Variants in VANGL1 observed in about 807,000 individuals in gnomAD.
The protein encoded by VANGL1 is VANGL planar cell polarity protein 1.
A neutral mutation model predicts 48.4 loss-of-function variants in VANGL1; 18 were observed. That is an observed-to-expected ratio of 0.37 (90% CI 0.26 to 0.55). The LOEUF is 0.55. Among genes scored for constraint, VANGL1 ranks in the 20% least tolerant of loss-of-function variants. VANGL1 has a pLI of 0.81. For missense variants in VANGL1, 667 were observed against 675.8 expected (o/e 0.99, Z 0.14); for synonymous variants, 257 against 261.8 (o/e 0.98, Z 0.18).
chr1:115,673,591 CCT>C (rs1653060127), intron 4 of VANGL1, among the ~76,000 whole-genome samples: 1 of 144,772 alleles, frequency 6.9e-6, no homozygotes, highest in African/African-American at 2.7e-5. Flanking sequence ...CTCTGTATGT[CCT>C]CTTTTTTTTT....
intron 4 of VANGL1, among the ~76,000 whole-genome samples, chr1:115,681,505 T>TGG (rs199910559): frequency 1.2e-4 from 9 of 77,728 alleles, no homozygotes; most frequent in Non-Finnish European, 2.9e-4. Flanking sequence ...TTTTTGTTGT[T>TGG]TTTTTTGTTT....
chr1:115,661,587 C>T (rs751552937), intron 3 of VANGL1, among the ~76,000 whole-genome samples: 7 of 151,880 alleles, frequency 4.6e-5, no homozygotes, highest in Non-Finnish European at 7.4e-5. Context: ...ATCCATTCTC[C>T]TAGTGGATGG....
At chr1:115,652,024 A>G (rs2101307389) in intron 2 of VANGL1, among the ~76,000 whole-genome samples, 1 of 152,298 alleles carries the variant, frequency 6.6e-6, no homozygotes, top group South Asian at 2.1e-4. Flanking sequence ...TATTTCTTAT[A>G]GGTATCGGCT....
At chr1:115,673,726 A>G (rs1653066406) in intron 4 of VANGL1, among the ~76,000 whole-genome samples, 1 of 148,964 alleles carries the variant, frequency 6.7e-6, no homozygotes, top group Non-Finnish European at 1.5e-5. Context: ...CAGCCTCCCT[A>G]GTAGCTGGGA....
chr1:115,656,702 C>CT (rs1383973911), intron 2 of VANGL1, among the ~76,000 whole-genome samples: 1 of 152,206 alleles, frequency 6.6e-6, no homozygotes, highest in African/African-American at 2.4e-5. Context: ...GCTCCTGGGC[C>CT]TTTTAAGAGC....
At chr1:115,676,618 C>T (rs979505153) in intron 4 of VANGL1, among the ~76,000 whole-genome samples, 5 of 152,224 alleles carry the variant, frequency 3.3e-5, no homozygotes, top group African/African-American at 1.2e-4. Flanking sequence ...GGTGGGTGAA[C>T]TCCCAAGTCT....
At chr1:115,670,741 G>T (rs751487376) in intron 4 of VANGL1, among the ~76,000 whole-genome samples, 2 of 152,156 alleles carry the variant, frequency 1.3e-5, no homozygotes, top group Admixed American at 6.5e-5. Flanking sequence ...ATGTTCCTAC[G>T]ATTGTGGGTT....
Position 115,672,379 on chromosome 1 carries a change from C to T in VANGL1, c.812+8111C>T, listed in dbSNP as rs368665000. ...ATATTGGTTCAAAGAATTTGGCTGCCGAAGCTTTTGTGTAGCTGAGGCACC... is the reference window on the plus strand; with the variant it reads ...ATATTGGTTCAAAGAATTTGGCTGCTGAAGCTTTTGTGTAGCTGAGGCACC... On this transcript the variant is annotated intron_variant, in intron 4 of 7. Transcript: ENST00000355485. Among the ~76,000 whole-genome samples, 37 of 152,282 alleles carry T rather than the reference C, an allele frequency of 2.4e-4. No individual in the cohort carries two copies. The South Asian group carries it at 6.8e-3, about 28-fold the overall frequency.
chr1:115,665,328 C>G (rs1420209566), intron 4 of VANGL1, among the ~76,000 whole-genome samples: 1 of 152,228 alleles, frequency 6.6e-6, no homozygotes, highest in African/African-American at 2.4e-5. Context: ...CCCAGGCTCT[C>G]TGCCTCCTTA....
rs148702065 is a variant in VANGL1 at position 115,666,833 on chromosome 1, G to C, written c.812+2565G>C. Among the ~76,000 whole-genome samples, 55 of 152,342 alleles carry C rather than the reference G, an allele frequency of 3.6e-4. No individual in the cohort carries two copies. In the East Asian group the frequency reaches 0.01, roughly 28 times the overall value. The stretch of plus-strand genomic sequence containing the variant: ...TACTGACAAATGGAGCCCTCAGGGA[G>C]AGCCAGATGCCCAAGTGTCAGCCAG... On this transcript the variant is annotated intron_variant, in intron 4 of 7. Transcript: ENST00000355485.
rs201593132 is a variant in VANGL1 at position 115,664,082 on chromosome 1, T to G, written c.626T>G (p.Leu209Trp). 6.2e-7 allele frequency: 1 copy of G among 1,614,114 alleles called. No individual in the cohort carries two copies. Among genetic ancestry groups the G allele is most frequent in the Non-Finnish European group, 8.5e-7 (1 of 1,180,058 alleles). The change falls in exon 4 of 8, where the codon TTG becomes TGG. Residue 209 changes from leucine to tryptophan, a missense_variant. Leu to Trp is a moderately conservative substitution (Grantham distance 61). Coordinates refer to ENST00000355485, the MANE Select transcript of VANGL1 (RefSeq NM_138959.3). ...SYWLFYGVRI[L>W]DSRDRNYQGI... is the part of the protein sequence containing the mutation. ...TGGCTTTTTTACGGGGTCCGCATTT[T>G]GGACTCTCGGGACCGGAATTACCAG...
chr1:115,663,416 A>G (rs908044704), intron 3 of VANGL1, among the ~76,000 whole-genome samples: 9 of 152,248 alleles, frequency 5.9e-5, no homozygotes, highest in African/African-American at 1.7e-4. Flanking sequence ...GAATCAGCCA[A>G]ACAGACAGAA....
chr1:115,685,126 C>T (rs759787476), intron 6 of VANGL1, among the ~76,000 whole-genome samples, 167 bp from the exon 7 acceptor site: 1 of 152,148 alleles, frequency 6.6e-6, no homozygotes, highest in Non-Finnish European at 1.5e-5. Context: ...TTTCTTTCTC[C>T]CTTCCTCCCT....
chr1:115,645,002 C>G (rs539371523), intron 1 of VANGL1, among the ~76,000 whole-genome samples: 125 of 152,316 alleles, frequency 8.2e-4, no homozygotes, highest in Middle Eastern at 3.4e-3. Flanking sequence ...ATAAGCCCAG[C>G]AGATCCTCAC....
intron 7 of VANGL1, among the ~76,000 whole-genome samples, chr1:115,688,583 T>TA (rs1653721643): frequency 7.2e-6 from 1 of 137,938 alleles, no homozygotes; most frequent in Non-Finnish European, 1.6e-5. Context: ...TTCTGAAGCC[T>TA]AAGTTTCAAG....
At chr1:115,645,043 A>G (rs1651865223) in intron 1 of VANGL1, among the ~76,000 whole-genome samples, 2 of 152,210 alleles carry the variant, frequency 1.3e-5, no homozygotes, top group Admixed American at 6.5e-5. Flanking sequence ...TTGGTGGTTT[A>G]TAGGCCACAA....
intron 2 of VANGL1, 100 bp from the exon 3 acceptor site, chr1:115,659,521 GTGTGTGTGTGTGTGTGTGTA>G (rs1299959957): frequency 1.6e-6 from 2 of 1,213,090 alleles, no homozygotes; most frequent in African/African-American, 3.2e-5. Context: ...GTGTGTGTGT[GTGTGTGTGTGTGTGTGTGTA>G]TGTAGAATTT....
At chr1:115,643,554 G>GA (rs1651813221) in intron 1 of VANGL1, among the ~76,000 whole-genome samples, 1 of 151,994 alleles carries the variant, frequency 6.6e-6, no homozygotes, top group African/African-American at 2.4e-5. Context: ...ATGTCTCTCA[G>GA]TATAATTAGT....
Position 115,689,477 on chromosome 1 carries a change from CA to C in VANGL1, c.1315-1632del, listed in dbSNP as rs371531433. 4.3e-3 allele frequency among the ~76,000 whole-genome samples: 562 copies of C among 130,106 alleles called. 93 individuals are homozygous for C. The highest frequency in any genetic ancestry group is 6.8e-3 in the Non-Finnish European group (408 of 60,232). 85.4% of individuals were successfully genotyped at this position (130,106 alleles called of 152,430 possible). Reference sequence around the variant, plus strand: ...TGAAACTCCGTCTCTACTAAAAATACAAAAAAAAAATTAGCCAGGCGTGGTG... The same window carrying C: ...TGAAACTCCGTCTCTACTAAAAATACAAAAAAAAATTAGCCAGGCGTGGTG... On this transcript the variant is annotated intron_variant, in intron 7 of 7. Transcript: ENST00000355485.
Sources: gnomAD v4.1 joint callset for allele counts (sites outside exome capture counted in the v4.1 genomes callset) on GRCh38, gnomAD v4.1.1 for gene constraint, MANE v1.5 for transcripts, NCBI Gene and HGNC (gene_info 2026-07-23, HGNC 2026-07-21) for gene names.